The following MTFMT variants were observed in gnomAD, a reference collection of about 807,000 sequenced individuals.
MTFMT encodes the protein methionyl-tRNA formyltransferase, mitochondrial.
MTFMT carries 47 observed loss-of-function variants against 51.8 expected under a neutral mutation model. That is an observed-to-expected ratio of 0.91 (90% CI 0.72 to 1.16). The LOEUF (loss-of-function observed/expected upper bound fraction) is 1.16, where lower values mean the gene tolerates loss of function less well. Among genes scored for constraint, MTFMT ranks in the 50% most tolerant of loss-of-function variants. The pLI is 0.00. For missense variants in MTFMT, 512 were observed against 482.3 expected, an observed-to-expected ratio of 1.06 and a Z score of -0.58; for synonymous variants, 196 against 176.7, an observed-to-expected ratio of 1.11 and a Z score of -0.87.
At chr15:65,003,403 G>C in intron 8 of MTFMT, 147 bp from the exon 9 acceptor site, 1 of 624,716 alleles carries the variant, frequency 1.6e-6, no homozygotes, top group South Asian at 2.2e-5. Flanking sequence ...ACTACACTAA[G>C]TAACATGTAG....
rs536213292 is a variant in MTFMT at position 65,011,485 on chromosome 15, C to CTTT, written c.813+4948_813+4950dup. Among the ~76,000 whole-genome samples, 333 of 74,082 alleles carry CTTT rather than the reference C, an allele frequency of 4.5e-3. 83 individuals are homozygous for CTTT. The highest frequency in any genetic ancestry group is 0.014 in the East Asian group (24 of 1,726). The allele number at this position is 74,082 out of a possible 152,430, so 48.6% of individuals were successfully genotyped here. A position where few individuals can be genotyped will look rare whatever the true frequency, so the allele number is the denominator to read the frequency against. ...TATTCCCTCCCATTCTGTAAGCTGTCTTTTTTTTTTTTTTTTTTTTTTTTT... is the reference window on the plus strand; with the variant it reads ...TATTCCCTCCCATTCTGTAAGCTGTCTTTTTTTTTTTTTTTTTTTTTTTTTTTT... On this transcript the variant is annotated intron_variant, in intron 6 of 8. Coordinates refer to ENST00000220058, the MANE Select transcript of MTFMT (RefSeq NM_139242.4).
intron 6 of MTFMT, among the ~76,000 whole-genome samples, chr15:65,008,410 C>A (rs2086236009): frequency 6.6e-6 from 1 of 152,166 alleles, no homozygotes; most frequent in Non-Finnish European, 1.5e-5. Flanking sequence ...TTAACACACA[C>A]CAGGAAATAA....
intron 7 of MTFMT, among the ~76,000 whole-genome samples, chr15:65,005,469 A>C (rs1023176558): frequency 1.3e-5 from 2 of 152,170 alleles, no homozygotes; most frequent in African/African-American, 4.8e-5. Context: ...TGATTTGCCC[A>C]GATATTTTCA....
chr15:65,011,424 G>A (rs573724541), intron 6 of MTFMT, among the ~76,000 whole-genome samples: 2 of 150,648 alleles, frequency 1.3e-5, no homozygotes, highest in Non-Finnish European at 2.9e-5. Context: ...TCTTTACTCT[G>A]GATATTAGGC....
rs587777244 is a variant in MTFMT at position 65,023,762 on chromosome 15, G to T, written c.452C>A (p.Pro151Gln). 10 of 1,612,714 alleles carry T rather than the reference G, an allele frequency of 6.2e-6. No homozygotes were observed. The South Asian group carries it at 1.1e-4, about 18-fold the overall frequency. The change falls in exon 3 of 9, where the codon CCG (proline) becomes CAG (glutamine). Residue 151 changes from proline to glutamine, a missense_variant. By Grantham distance (76) the Pro-to-Gln change is moderately conservative (BLOSUM62 -1). Transcript: ENST00000220058. ...GILNVHPSCL[P>Q]RWRGPAPVIH... is the part of the protein sequence containing the mutation. ...TACAGGGGCTGGGCCACGCCATCTC[G>T]GGAGGCAACTGGGATGAACATTCAA...
rs2086178323 is a variant in MTFMT at position 65,001,756 on chromosome 15, G to C, written c.*1306C>G. On this transcript the variant is annotated 3_prime_UTR_variant, in exon 9 of 9. Coordinates refer to ENST00000220058, the MANE Select transcript of MTFMT (RefSeq NM_139242.4). ...TAGCCAGGCGTGGTGGCCCCACTTT[G>C]GGAGGCTGAGGCTGGAGGATCACTT... 6.6e-6 allele frequency: 1 copy of C among 152,086 alleles called. No individual in the cohort carries two copies. The highest frequency in any genetic ancestry group is 1.5e-5 in the Non-Finnish European group (1 of 68,052). 9.4% of individuals were successfully genotyped at this position (152,086 alleles called of 1,614,324 possible).
chr15:65,029,419 C>G lies in MTFMT; in HGVS notation c.195G>C (p.Ala65=), dbSNP rs2086459524. The G allele has an allele frequency of 1.3e-6, 2 of 1,500,254 alleles. No homozygotes were observed. Among genetic ancestry groups the G allele is most frequent in the Non-Finnish European group, 1.8e-6 (2 of 1,126,696 alleles). 92.9% of individuals were successfully genotyped at this position (1,500,254 alleles called of 1,614,324 possible). Residue 65 remains alanine (A), a synonymous_variant, in exon 1 of 9, where the codon GCG becomes GCC. Coordinates refer to ENST00000220058, the MANE Select transcript of MTFMT (RefSeq NM_139242.4). ...GGCCCGGGTACCTGGCGGCGTGCAG[C>G]GCCCGCAGCGCCTCGCGGGCGAACT... is the stretch of plus-strand genomic sequence containing the variant. ...TDQFAREALR[A]LHAARENKEE... is the part of the protein sequence containing the mutation.
intron 3 of MTFMT, among the ~76,000 whole-genome samples, chr15:65,021,997 A>C (rs2086377565): frequency 6.6e-6 from 1 of 152,246 alleles, no homozygotes; most frequent in Non-Finnish European, 1.5e-5. Context: ...AATTACAATT[A>C]CAGAAAAATT....
chr15:65,009,310 T>C (rs2086243480), intron 6 of MTFMT, among the ~76,000 whole-genome samples: 1 of 152,208 alleles, frequency 6.6e-6, no homozygotes, highest in African/African-American at 2.4e-5. Context: ...CTAAATTGCA[T>C]CTCAGGAAGT....
At chr15:65,012,584 G>A (rs999994468) in intron 6 of MTFMT, among the ~76,000 whole-genome samples, 13 of 152,174 alleles carry the variant, frequency 8.5e-5, no homozygotes, top group African/African-American at 3.1e-4. Context: ...ATTTTTAGTA[G>A]AGATGAGGTT....
At position 65,023,706 on chromosome 15, in the gene MTFMT, T is replaced by C; in HGVS notation, c.508A>G (p.Thr170Ala). Residue 170 changes from threonine to alanine, a missense_variant, in exon 3 of 9, where the codon ACT (threonine) becomes GCT (alanine). Thr to Ala is a moderately conservative substitution (Grantham distance 58). Coordinates refer to ENST00000220058, the MANE Select transcript of MTFMT (RefSeq NM_139242.4). ...CTAATTTGCATAATTGTTACTCCAG[T>C]AACTGTGTCTCCGTGAAGCACTGTA... ...IHTVLHGDTV[T>A]GVTIMQIRPK... is the part of the protein sequence containing the mutation. 6.2e-7 allele frequency: 1 copy of C among 1,613,762 alleles called. No homozygotes were observed. Among genetic ancestry groups the C allele is most frequent in the Non-Finnish European group, 8.5e-7 (1 of 1,179,698 alleles).
At chr15:65,011,581 G>A (rs55814927) in intron 6 of MTFMT, among the ~76,000 whole-genome samples, 4,108 of 135,412 alleles carry the variant, frequency 0.03, 107 homozygotes, top group South Asian at 0.14. Context: ...CTGCAGCCTC[G>A]ACCTCCCTGG....
intron 7 of MTFMT, among the ~76,000 whole-genome samples, chr15:65,005,480 T>C (rs61004970): frequency 1.3e-3 from 199 of 152,248 alleles, no homozygotes; most frequent in African/African-American, 4.7e-3. Flanking sequence ...GATATTTTCA[T>C]TATAATATTC....
chr15:65,008,802 A>AT (rs1192240199), intron 6 of MTFMT, among the ~76,000 whole-genome samples: 4 of 152,116 alleles, frequency 2.6e-5, no homozygotes, highest in Non-Finnish European at 5.9e-5. Flanking sequence ...CATATGTGCA[A>AT]TTTTTTTCTT....
intron 6 of MTFMT, among the ~76,000 whole-genome samples, chr15:65,008,873 G>A (rs2086239870): frequency 6.6e-6 from 1 of 152,090 alleles, no homozygotes; most frequent in Non-Finnish European, 1.5e-5. Context: ...TCTATTTACT[G>A]AGAGTAATAA....
At position 65,029,629 on chromosome 15, in the gene MTFMT, CG is replaced by C; in HGVS notation, c.-17del. 7.3e-7 allele frequency: 1 copy of C among 1,372,094 alleles called. No individual in the cohort carries two copies. Among genetic ancestry groups the C allele is most frequent in the Non-Finnish European group, 9.4e-7 (1 of 1,060,240 alleles). 85.0% of individuals were successfully genotyped at this position (1,372,094 alleles called of 1,614,324 possible). On this transcript the variant is annotated 5_prime_UTR_variant, in exon 1 of 9. Transcript: ENST00000220058. ...ACACCCTCATCGCCTCGGCCGCCGGCGGCCGGCCCTGCGCAGGCGCATCGGG... is the reference window on the plus strand; with the variant it reads ...ACACCCTCATCGCCTCGGCCGCCGGCGCCGGCCCTGCGCAGGCGCATCGGG...
intron 2 of MTFMT, among the ~76,000 whole-genome samples, chr15:65,024,980 T>C (rs2086409026): frequency 6.6e-6 from 1 of 151,974 alleles, no homozygotes. Context: ...TTGAAGAAGG[T>C]AAATGCTCGG....
At chr15:65,012,242 GCA>G (rs2086274876) in intron 6 of MTFMT, among the ~76,000 whole-genome samples, 1 of 150,202 alleles carries the variant, frequency 6.7e-6, no homozygotes, top group Non-Finnish European at 1.5e-5. Context: ...CACCAACATG[GCA>G]CATGTATACA....
intron 6 of MTFMT, among the ~76,000 whole-genome samples, chr15:65,014,829 A>G (rs550569480): frequency 1.3e-4 from 18 of 135,328 alleles, no homozygotes; most frequent in Non-Finnish European, 2.4e-4. Context: ...ACAGGGTTTC[A>G]CTATGTTGGC....
Sources: gnomAD v4.1 joint callset for allele counts (sites outside exome capture counted in the v4.1 genomes callset) on GRCh38, gnomAD v4.1.1 for gene constraint, MANE v1.5 for transcripts, NCBI Gene and HGNC (gene_info 2026-07-23, HGNC 2026-07-21) for gene names.